PARD3: variants seen among roughly 807,000 people sequenced by gnomAD.
The protein encoded by PARD3 is par-3 family cell polarity regulator.
A neutral mutation model predicts 155.4 loss-of-function variants in PARD3; 75 were observed. The ratio of observed to expected loss-of-function variants is 0.48; its 90% CI spans 0.40 to 0.58. The LOEUF is 0.58. Ranked by LOEUF, PARD3 falls within the 20% of genes least tolerant of loss-of-function variation. The pLI, the probability that PARD3 is intolerant of heterozygous loss-of-function variation, is 0.00. For missense variants in PARD3, 1,642 were observed against 1,721.7 expected (o/e 0.95, Z 0.82); for synonymous variants, 576 against 610.5 (o/e 0.94, Z 0.83).
chr10:34,635,723 G>C (rs1048900678), intron 2 of PARD3, among the ~76,000 whole-genome samples: 3 of 152,220 alleles, frequency 2.0e-5, no homozygotes, highest in Non-Finnish European at 4.4e-5. Context: ...GATGTAGGAA[G>C]AGAAAAGAAC....
chr10:34,154,094 A>T (rs1948892093), intron 22 of PARD3, among the ~76,000 whole-genome samples: 1 of 152,212 alleles, frequency 6.6e-6, no homozygotes, highest in Non-Finnish European at 1.5e-5. Flanking sequence ...ATTTATTAGG[A>T]GATAAAACTT....
Position 34,119,652 on chromosome 10 carries a change from C to G in PARD3, c.3629G>C (p.Ser1210Thr). 2 of 1,610,678 alleles carry G rather than the reference C, an allele frequency of 1.2e-6. No homozygotes were observed. The highest frequency in any genetic ancestry group is 1.1e-5 in the South Asian group (1 of 90,682). The change falls in exon 24 of 25, where the codon AGC (serine) becomes ACC (threonine). Residue 1210 changes from serine to threonine, a missense_variant. Around this residue, in one of 3 missense-constraint regions of PARD3, gnomAD observed 1,529 missense variants for 1,587.3 expected, o/e 0.96. Coordinates refer to ENST00000374788, the MANE Select transcript of PARD3 (RefSeq NM_001184785.2). ...GTACTGGCGCTGGGCCTGCTGGGAG[C>G]TCTCGCGCTCCTCCTGCCGCTGCCG... ...MQRQRQEERE[S>T]SQQAQRQYSS... is the part of the protein sequence containing the mutation.
intron 4 of PARD3, among the ~76,000 whole-genome samples, chr10:34,469,365 T>C (rs556571776): frequency 6.6e-6 from 1 of 152,254 alleles, no homozygotes; most frequent in Non-Finnish European, 1.5e-5. Context: ...TGCCTTGGAC[T>C]CCCAAAGTGC....
chr10:34,753,279 C>T (rs1836296388), intron 1 of PARD3, among the ~76,000 whole-genome samples: 1 of 152,224 alleles, frequency 6.6e-6, no homozygotes, highest in African/African-American at 2.4e-5. Flanking sequence ...GAGCTGGGGA[C>T]ACCCTTGGAG....
chr10:34,269,778 A>G lies in PARD3; in HGVS notation c.3298T>C (p.Ser1100Pro). ...DDELMYGGVS[S>P]YEGSMALNAR... ...TTGAGAGCCATGGAACCTTCATAAG[A>G]AGAAACTCCCCCATACATTAACTCA... The change falls in exon 22 of 25, where the codon TCT becomes CCT. Residue 1100 changes from serine (S) to proline (P), a missense_variant. Physicochemically the swap from Ser to Pro is moderately conservative, Grantham distance 74. Around this residue, in one of 3 missense-constraint regions of PARD3, gnomAD observed 1,529 missense variants for 1,587.3 expected, o/e 0.96. Coordinates refer to ENST00000374788, the MANE Select transcript of PARD3 (RefSeq NM_001184785.2). 1 of 1,614,040 alleles carries G rather than the reference A, an allele frequency of 6.2e-7. No individual in the cohort carries two copies. Among genetic ancestry groups the G allele is most frequent in the Non-Finnish European group, 8.5e-7 (1 of 1,179,976 alleles).
chr10:34,266,064 C>T (rs1955287634), intron 22 of PARD3, among the ~76,000 whole-genome samples: 1 of 152,218 alleles, frequency 6.6e-6, no homozygotes, highest in South Asian at 2.1e-4. Flanking sequence ...AAGGTAATGG[C>T]TTTGCCATTT....
rs1331568509 is a variant in PARD3, at chr10:34,341,793, C to G, written c.2242G>C (p.Val748Leu). ...ACAGTGTCATCTTGGGGCATATTCA[C>G]TGTAGGGGACAGCTGGTATTTACCT... ...IMGKYQLSPT[V>L]NMPQDDTVII... The change falls in exon 16 of 25, where the codon GTG becomes CTG. Residue 748 changes from valine (V) to leucine (L), a missense_variant. Transcript: ENST00000374788. 1.2e-6 allele frequency: 2 copies of G among 1,611,104 alleles called. No individual in the cohort carries two copies. The highest frequency in any genetic ancestry group is 1.7e-4 in the Middle Eastern group (1 of 6,048).
chr10:34,803,797 C>T (rs1055032400), intron 1 of PARD3, among the ~76,000 whole-genome samples: 14 of 152,162 alleles, frequency 9.2e-5, no homozygotes, highest in Middle Eastern at 3.4e-3. Context: ...AGCAAGACTC[C>T]ATCTCGGAAA....
Position 34,429,553 on chromosome 10 carries a change from A to AGTTTAGTTTTGTTTT in PARD3, c.714+20763_714+20764insAAAACAAAACTAAAC, listed in dbSNP as rs1385255737. On this transcript the variant is annotated intron_variant, in intron 5 of 24. Transcript: ENST00000374788. Reference sequence around the variant, plus strand: ...TAAGAATACAGCCCCACTCTAACTCAGTTTTGTTTTGTTTTGTTTTGTTTT... The same window carrying AGTTTAGTTTTGTTTT: ...TAAGAATACAGCCCCACTCTAACTCAGTTTAGTTTTGTTTTGTTTTGTTTTGTTTTGTTTTGTTTT... Among the ~76,000 whole-genome samples the AGTTTAGTTTTGTTTT allele has an allele frequency of 3.9e-3, 570 of 145,240 alleles. 3 individuals are homozygous for AGTTTAGTTTTGTTTT. Among genetic ancestry groups the AGTTTAGTTTTGTTTT allele is most frequent in the African/African-American group, 0.014 (535 of 39,124 alleles).
chr10:34,640,346 G>A (rs1030701925), intron 2 of PARD3, among the ~76,000 whole-genome samples: 1 of 152,182 alleles, frequency 6.6e-6, no homozygotes, highest in African/African-American at 2.4e-5. Flanking sequence ...GCTGGGCACC[G>A]TGGCTCACAC....
chr10:34,779,472 T>G (rs1052742020), intron 1 of PARD3, among the ~76,000 whole-genome samples: 1 of 150,828 alleles, frequency 6.6e-6, no homozygotes, highest in African/African-American at 2.4e-5. Context: ...ATTAAAAAAA[T>G]TAGCCAGGCA....
At chr10:34,135,589 G>C (rs1008638783) in intron 22 of PARD3, among the ~76,000 whole-genome samples, 1 of 152,140 alleles carries the variant, frequency 6.6e-6, no homozygotes, top group Non-Finnish European at 1.5e-5. Context: ...CCTGAATGTG[G>C]CTAAGGATAC....
intron 1 of PARD3, among the ~76,000 whole-genome samples, chr10:34,810,652 A>C (rs1423847156): frequency 6.6e-6 from 1 of 152,208 alleles, no homozygotes; most frequent in Non-Finnish European, 1.5e-5. Context: ...TGCGTTTTTA[A>C]GTAAACAGGA....
At chr10:34,433,352 T>C (rs1388028404) in intron 5 of PARD3, among the ~76,000 whole-genome samples, 1 of 152,190 alleles carries the variant, frequency 6.6e-6, no homozygotes, top group Non-Finnish European at 1.5e-5. Context: ...GTTTCACAGA[T>C]TGCTCAATGG....
chr10:34,744,835 A>G (rs1439434806), intron 1 of PARD3, among the ~76,000 whole-genome samples: 1 of 152,244 alleles, frequency 6.6e-6, no homozygotes, highest in Non-Finnish European at 1.5e-5. Context: ...GTCCTGTCTG[A>G]TAAGAGGGGA....
intron 22 of PARD3, among the ~76,000 whole-genome samples, chr10:34,261,697 A>AAAGAAAGAAAGAAAGAAAGG (rs1554820226): frequency 8.6e-6 from 1 of 116,852 alleles, no homozygotes; most frequent in African/African-American, 5.1e-5. Context: ...TCAAAGAAAG[A>AAAGAAAGAAAGAAAGAAAGG]AAGGAAGAAA....
intron 2 of PARD3, among the ~76,000 whole-genome samples, chr10:34,544,636 A>G (rs2083902432): frequency 6.6e-6 from 1 of 152,200 alleles, no homozygotes; most frequent in Non-Finnish European, 1.5e-5. Context: ...GCTGAATCAG[A>G]AACTCTGGGG....
chr10:34,293,984 G>A (rs893088068), intron 20 of PARD3, among the ~76,000 whole-genome samples: 2 of 152,176 alleles, frequency 1.3e-5, no homozygotes, highest in African/African-American at 2.4e-5. Context: ...CATAAGAAAT[G>A]CTAATGAGAC....
At chr10:34,396,154 A>C (rs1454051967) in intron 7 of PARD3, among the ~76,000 whole-genome samples, 1 of 152,170 alleles carries the variant, frequency 6.6e-6, no homozygotes, top group Non-Finnish European at 1.5e-5. Flanking sequence ...GTTCCAGATC[A>C]ACCTGGCCAA....
Sources: gnomAD v4.1 joint callset for allele counts (sites outside exome capture counted in the v4.1 genomes callset) on GRCh38, gnomAD v4.1.1 for gene constraint, gnomAD v4.1.1 regional missense constraint, MANE v1.5 for transcripts, NCBI Gene and HGNC (gene_info 2026-07-23, HGNC 2026-07-21) for gene names.